WWOX: variants seen among roughly 807,000 people sequenced by gnomAD.
WWOX encodes WW domain containing oxidoreductase, also known as WW domain-containing oxidoreductase.
WWOX carries 69 observed loss-of-function variants against 46.2 expected under a neutral mutation model. The ratio of observed to expected loss-of-function variants is 1.49; its 90% CI spans 1.23 to 1.82. WWOX has a LOEUF of 1.82. Among genes scored for constraint, WWOX ranks in the 40% most tolerant of loss-of-function variants. The probability of loss-of-function intolerance (pLI) is 0.00; values close to 1 mark genes in which losing one functional copy is unlikely to be tolerated. For synonymous variants in WWOX, 359 were observed against 202.6 expected, an observed-to-expected ratio of 1.77 and a Z score of -6.56; for missense variants, 919 against 542.6, an observed-to-expected ratio of 1.69 and a Z score of -6.89.
intron 8 of WWOX, among the ~76,000 whole-genome samples, chr16:78,616,734 C>A (rs1191026982): frequency 2.0e-5 from 3 of 151,730 alleles, no homozygotes; most frequent in African/African-American, 7.3e-5. Context: ...CCACTGCACT[C>A]CTGTCTGGGA....
chr16:79,070,062 A>T (rs2048519612), intron 8 of WWOX, among the ~76,000 whole-genome samples: 1 of 152,252 alleles, frequency 6.6e-6, no homozygotes, highest in South Asian at 2.1e-4. Flanking sequence ...AATATTCCTA[A>T]TATAGTTTGA....
intron 8 of WWOX, among the ~76,000 whole-genome samples, chr16:78,905,098 A>T (rs2044927814): frequency 6.6e-6 from 1 of 152,132 alleles, no homozygotes; most frequent in Non-Finnish European, 1.5e-5. Context: ...GTCACTTAAA[A>T]CATATTGCAT....
At chr16:78,411,494 C>G (rs2082679517) in intron 6 of WWOX, among the ~76,000 whole-genome samples, 1 of 152,024 alleles carries the variant, frequency 6.6e-6, no homozygotes, top group African/African-American at 2.4e-5. Flanking sequence ...GCGTACTCAT[C>G]CATGGGGCAG....
chr16:78,926,104 C>G (rs557741198), intron 8 of WWOX, among the ~76,000 whole-genome samples: 2 of 152,232 alleles, frequency 1.3e-5, no homozygotes, highest in African/African-American at 2.4e-5. Context: ...TTGTAGAACC[C>G]TAAGAAAATA....
intron 8 of WWOX, among the ~76,000 whole-genome samples, chr16:78,540,945 C>T (rs1056850511): frequency 6.6e-6 from 1 of 152,044 alleles, no homozygotes; most frequent in Non-Finnish European, 1.5e-5. Context: ...CTTGAGCTCC[C>T]GAAGCGCTGG....
intron 4 of WWOX, among the ~76,000 whole-genome samples, chr16:78,132,087 C>A (rs956374601): frequency 3.4e-5 from 5 of 145,414 alleles, no homozygotes; most frequent in African/African-American, 1.3e-4. Flanking sequence ...TGCAGTGGTG[C>A]TATCTTGGCT....
At chr16:79,089,848 C>T (rs1197162573) in intron 8 of WWOX, among the ~76,000 whole-genome samples, 7 of 151,874 alleles carry the variant, frequency 4.6e-5, no homozygotes, top group African/African-American at 1.7e-4. Context: ...TGTTCATTGG[C>T]CCCTGTTGTC....
chr16:78,986,650 A>C (rs1451370815), intron 8 of WWOX, among the ~76,000 whole-genome samples: 1 of 152,220 alleles, frequency 6.6e-6, no homozygotes, highest in Non-Finnish European at 1.5e-5. Flanking sequence ...TTTTCTCCCA[A>C]GAATGGATCT....
chr16:78,481,419 T>G (rs2151447160), intron 8 of WWOX, among the ~76,000 whole-genome samples: 1 of 152,086 alleles, frequency 6.6e-6, no homozygotes. Context: ...AAATAAAAGG[T>G]TTCATAAATG....
intron 6 of WWOX, among the ~76,000 whole-genome samples, chr16:78,406,303 AAT>A (rs532594425): frequency 0.041 from 2,326 of 57,328 alleles, 23 homozygotes; most frequent in Non-Finnish European, 0.068. Context: ...TATAAATATA[AAT>A]ATATATATAT....
intron 6 of WWOX, among the ~76,000 whole-genome samples, chr16:78,407,826 C>G (rs2082584842): frequency 6.6e-6 from 1 of 152,190 alleles, no homozygotes; most frequent in African/African-American, 2.4e-5. Context: ...TTACTTCTTA[C>G]CACATCTTGA....
At chr16:79,206,797 G>C (rs565960891) in intron 8 of WWOX, 2 of 152,234 alleles carry the variant, frequency 1.3e-5, no homozygotes, top group Non-Finnish European at 2.9e-5. Flanking sequence ...TACTGGTGTG[G>C]TCACCTAGCC....
rs1567499233 is a variant in WWOX at position 78,321,352 on chromosome 16, ATATATGCGTATATATATACG to A, written c.517-65502_517-65483del. 4.0e-3 allele frequency among the ~76,000 whole-genome samples: 177 copies of A among 44,782 alleles called. 8 individuals carry two copies. In the East Asian group the frequency reaches 0.08, roughly 20 times the overall value. The allele number at this position is 44,782 out of a possible 152,430, so 29.4% of individuals were successfully genotyped here. On this transcript the variant is annotated intron_variant, in intron 5 of 8. Transcript: ENST00000566780. ...CGTATATATGCGTATATATATACGT[ATATATGCGTATATATATACG>A]TATATATGCGTATATATATACGTAT... is the stretch of plus-strand genomic sequence containing the variant.
At chr16:78,497,735 G>T (rs3419) in intron 8 of WWOX, among the ~76,000 whole-genome samples, 112,716 of 152,006 alleles carry the variant, frequency 0.74, 44,184 homozygotes, top group Admixed American at 0.86. Flanking sequence ...CTCTCAGCAG[G>T]ACATTACAGG....
chr16:78,696,516 C>G (rs895730787), intron 8 of WWOX, among the ~76,000 whole-genome samples: 7 of 151,950 alleles, frequency 4.6e-5, no homozygotes, highest in Non-Finnish European at 8.8e-5. Context: ...GTAGGATACT[C>G]TCTCACAATG....
chr16:78,760,745 A>G (rs1208176879), intron 8 of WWOX, among the ~76,000 whole-genome samples: 2 of 152,240 alleles, frequency 1.3e-5, no homozygotes, highest in Non-Finnish European at 2.9e-5. Context: ...AATACCTCTC[A>G]TGCCTGGAGA....
intron 6 of WWOX, among the ~76,000 whole-genome samples, chr16:78,397,336 C>T (rs1840245738): frequency 6.6e-6 from 1 of 152,184 alleles, no homozygotes; most frequent in South Asian, 2.1e-4. Context: ...GTGTCATGTA[C>T]AGCTAAGCAC....
chr16:78,738,651 C>G (rs1350951053), intron 8 of WWOX, among the ~76,000 whole-genome samples: 1 of 152,094 alleles, frequency 6.6e-6, no homozygotes, highest in Non-Finnish European at 1.5e-5. Flanking sequence ...TTAAATCATC[C>G]TCATTTCCTT....
intron 8 of WWOX, among the ~76,000 whole-genome samples, chr16:79,113,940 G>A (rs1383757378): frequency 2.0e-5 from 3 of 152,208 alleles, no homozygotes; most frequent in South Asian, 2.1e-4. Flanking sequence ...GCAGTCCTAA[G>A]GCCCAGCCAC....
Sources: gnomAD v4.1 joint callset for allele counts (sites outside exome capture counted in the v4.1 genomes callset) on GRCh38, gnomAD v4.1.1 for gene constraint, MANE v1.5 for transcripts, NCBI Gene and HGNC (gene_info 2026-07-23, HGNC 2026-07-21) for gene names.